SFXN5: variants seen among roughly 807,000 people sequenced by gnomAD.
SFXN5 encodes the protein sideroflexin-5.
A neutral mutation model predicts 50.2 loss-of-function variants in SFXN5; 43 were observed. The ratio of observed to expected loss-of-function variants is 0.86; its 90% CI spans 0.67 to 1.11. SFXN5 has a LOEUF of 1.11. Among genes scored for constraint, SFXN5 ranks in the 50% least tolerant of loss-of-function variants. The pLI is 0.00. For missense variants in SFXN5, 463 were observed against 454.1 expected (o/e 1.02, Z -0.18); for synonymous variants, 203 against 185.8 (o/e 1.09, Z -0.75).
intron 9 of SFXN5, chr2:72,996,499 TGAG>T (rs1673250949): frequency 6.9e-6 from 1 of 143,944 alleles, no homozygotes. Flanking sequence ...CAGAAAAAGC[TGAG>T]TTTTGTTTTT....
chr2:72,947,121 G>C (rs935505681), intron 13 of SFXN5, among the ~76,000 whole-genome samples: 1 of 152,156 alleles, frequency 6.6e-6, no homozygotes, highest in Non-Finnish European at 1.5e-5. Flanking sequence ...GGCCCCCATA[G>C]CTCCCTGAAC....
At chr2:73,041,863 T>C (rs1048503555) in intron 2 of SFXN5, among the ~76,000 whole-genome samples, 3 of 152,094 alleles carry the variant, frequency 2.0e-5, no homozygotes, top group South Asian at 2.1e-4. Flanking sequence ...CCACTGCATC[T>C]GGCTAATTTA....
intron 6 of SFXN5, among the ~76,000 whole-genome samples, chr2:73,005,611 T>C (rs1287810252): frequency 6.6e-6 from 1 of 152,240 alleles, no homozygotes; most frequent in Non-Finnish European, 1.5e-5. Flanking sequence ...TCCTCCCATG[T>C]AGTTCTTTCC....
At chr2:72,962,645 G>A (rs1317800129) in intron 12 of SFXN5, among the ~76,000 whole-genome samples, 1 of 152,144 alleles carries the variant, frequency 6.6e-6, no homozygotes, top group Non-Finnish European at 1.5e-5. Context: ...TATTAATAAA[G>A]ATCCCATTAC....
intron 1 of SFXN5, among the ~76,000 whole-genome samples, chr2:73,064,300 A>C (rs1214321832): frequency 6.6e-6 from 1 of 152,268 alleles, no homozygotes; most frequent in Non-Finnish European, 1.5e-5. Flanking sequence ...GTAGTCCTGA[A>C]TCAGCTGCAC....
chr2:73,047,333 A>ATATATATGTACATATATATGTG (rs1680625659), intron 2 of SFXN5, among the ~76,000 whole-genome samples: 1 of 129,496 alleles, frequency 7.7e-6, no homozygotes, highest in Non-Finnish European at 1.6e-5. Context: ...ATATATGTGT[A>ATATATATGTACATATATATGTG]TATATATGTA....
intron 2 of SFXN5, 70 bp from the exon 3 acceptor site, chr2:73,041,001 AT>A: frequency 7.5e-7 from 1 of 1,336,670 alleles, no homozygotes. Flanking sequence ...CTTTTGTGGG[AT>A]TACATCAGTA....
chr2:73,052,296 T>C (rs1681430204), intron 2 of SFXN5, among the ~76,000 whole-genome samples: 1 of 151,960 alleles, frequency 6.6e-6, no homozygotes, highest in Non-Finnish European at 1.5e-5. Flanking sequence ...TTCTAGGCCC[T>C]TTCAGAAAAC....
chr2:73,035,663 C>T (rs753435136), intron 3 of SFXN5, among the ~76,000 whole-genome samples: 5 of 151,940 alleles, frequency 3.3e-5, no homozygotes, highest in Non-Finnish European at 5.9e-5. Context: ...CCATGCCTGG[C>T]TAATTTTTGT....
In SFXN5 at chr2:73,021,034, C is replaced by T. The variant is rs75677089; in HGVS notation, c.332-770G>A. 3.6e-4 allele frequency among the ~76,000 whole-genome samples: 55 copies of T among 152,342 alleles called. No homozygotes were observed. The East Asian group carries it at 9.3e-3, about 26-fold the overall frequency. On this transcript the variant is annotated intron_variant, in intron 5 of 13. Transcript: ENST00000272433. ...GCTCCTGAGTGCACATAATCACACA[C>T]ACACGTGAGCCATGGTTCTCATACC...
intron 9 of SFXN5, among the ~76,000 whole-genome samples, chr2:72,991,116 G>A (rs1297483267): frequency 6.6e-6 from 1 of 152,232 alleles, no homozygotes; most frequent in African/African-American, 2.4e-5. Flanking sequence ...GGCAGGGCTG[G>A]AGAGCAGCGG....
intron 10 of SFXN5, among the ~76,000 whole-genome samples, chr2:72,986,564 A>G (rs1008600986): frequency 6.6e-6 from 1 of 152,110 alleles, no homozygotes; most frequent in Non-Finnish European, 1.5e-5. Context: ...GCCTGTCCCC[A>G]TCGTTGTCCT....
chr2:72,963,470 T>C (rs1034922381), intron 12 of SFXN5, among the ~76,000 whole-genome samples: 6 of 145,758 alleles, frequency 4.1e-5, no homozygotes, highest in Non-Finnish European at 7.5e-5. Flanking sequence ...GGCCTGAGGC[T>C]GAAACAGGAG....
rs191029977 is a variant in SFXN5 at position 73,040,014 on chromosome 2, T to G, written c.249+840A>C. Among the ~76,000 whole-genome samples the G allele has an allele frequency of 4.6e-3, 702 of 152,140 alleles. 10 individuals carry two copies. The highest frequency in any genetic ancestry group is 0.016 in the African/African-American group (659 of 41,478). Reference sequence around the variant, plus strand: ...TCAGTAAAGACACGGTTTCACCACGTTGCCCAGGCTGGTCTTGAACTCCTG... The same window carrying G: ...TCAGTAAAGACACGGTTTCACCACGGTGCCCAGGCTGGTCTTGAACTCCTG... On this transcript the variant is annotated intron_variant, in intron 3 of 13. Coordinates refer to ENST00000272433, the MANE Select transcript of SFXN5 (RefSeq NM_144579.3).
intron 10 of SFXN5, among the ~76,000 whole-genome samples, chr2:72,979,742 G>A (rs1488037871): frequency 1.3e-5 from 2 of 152,160 alleles, no homozygotes; most frequent in African/African-American, 4.8e-5. Flanking sequence ...ATCTAAAATT[G>A]ACTGTGAGGT....
intron 2 of SFXN5, among the ~76,000 whole-genome samples, chr2:73,045,537 G>A (rs559676678): frequency 6.6e-5 from 10 of 152,176 alleles, no homozygotes; most frequent in East Asian, 3.9e-4. Flanking sequence ...AGACTGTGGC[G>A]GGGGGTGGGG....
chr2:72,974,478 G>GA (rs557251591), intron 10 of SFXN5, among the ~76,000 whole-genome samples: 64 of 151,714 alleles, frequency 4.2e-4, no homozygotes, highest in South Asian at 4.2e-3. Context: ...TGCCTGAATG[G>GA]AAAAAAAACA....
At chr2:73,023,040 G>T in intron 4 of SFXN5, 148 bp downstream of exon 4, 1 of 701,944 alleles carries the variant, frequency 1.4e-6, no homozygotes. Flanking sequence ...TTGAGTGTCG[G>T]GGCAGAAGGA....
At chr2:72,957,119 TC>T in intron 13 of SFXN5, 1 of 455,496 alleles carries the variant, frequency 2.2e-6, no homozygotes, top group Non-Finnish European at 4.4e-6. Context: ...GTGGACCACA[TC>T]CCCTTTCTCA....
Sources: allele counts gnomAD v4.1 joint callset (sites outside exome capture counted in the v4.1 genomes callset), GRCh38; gene constraint gnomAD v4.1.1; transcripts MANE v1.5; gene names NCBI Gene and HGNC (gene_info 2026-07-23, HGNC 2026-07-21).